Variants in PDE4D observed in about 807,000 individuals in gnomAD.
PDE4D encodes phosphodiesterase 4D.
A neutral mutation model predicts 87.4 loss-of-function variants in PDE4D; 24 were observed. The observed-to-expected ratio is 0.27, with a 90% CI of 0.20 to 0.39. The LOEUF (loss-of-function observed/expected upper bound fraction) is 0.39, where lower values mean the gene tolerates loss of function less well. PDE4D is among the 10% of genes least tolerant of loss of function. The pLI, the probability that PDE4D is intolerant of heterozygous loss-of-function variation, is 1.00. For synonymous variants in PDE4D, 384 were observed against 383.2 expected (o/e 1.00, Z -0.02); for missense variants, 714 against 1,041.0 (o/e 0.69, Z 4.32).
chr5:60,078,591 T>A (rs929468390), intron 2 of PDE4D, among the ~76,000 whole-genome samples: 1 of 152,188 alleles, frequency 6.6e-6, no homozygotes, highest in Non-Finnish European at 1.5e-5. Context: ...TCTGTGTCCA[T>A]GTGTTCTCAA....
intron 1 of PDE4D, among the ~76,000 whole-genome samples, chr5:59,454,770 G>A (rs888548366): frequency 1.3e-5 from 2 of 152,200 alleles, no homozygotes; most frequent in Non-Finnish European, 2.9e-5. Context: ...TGACAAAAAT[G>A]CTGACAGTGA....
chr5:59,747,403 C>T (rs1759770617), intron 1 of PDE4D, among the ~76,000 whole-genome samples: 1 of 152,184 alleles, frequency 6.6e-6, no homozygotes, highest in Non-Finnish European at 1.5e-5. Context: ...GTTAAACCAA[C>T]CTTTTTCAAA....
chr5:59,013,754 C>T (rs1405961553), intron 6 of PDE4D, among the ~76,000 whole-genome samples: 1 of 151,780 alleles, frequency 6.6e-6, no homozygotes, highest in East Asian at 1.9e-4. Context: ...GAAACTATTC[C>T]AATCAATAGA....
chr5:60,329,451 A>T (rs1214014384), intron 1 of PDE4D, among the ~76,000 whole-genome samples: 1 of 151,790 alleles, frequency 6.6e-6, no homozygotes, highest in African/African-American at 2.4e-5. Context: ...AGTCAATTAA[A>T]CCTCTTTCCT....
chr5:59,390,507 G>C (rs981509821), intron 1 of PDE4D, among the ~76,000 whole-genome samples: 1 of 152,032 alleles, frequency 6.6e-6, no homozygotes, highest in African/African-American at 2.4e-5. Context: ...TTGCACAGTG[G>C]ATTTATAAAC....
intron 1 of PDE4D, among the ~76,000 whole-genome samples, chr5:59,444,866 C>T (rs900886955): frequency 1.3e-5 from 2 of 152,110 alleles, no homozygotes; most frequent in Non-Finnish European, 2.9e-5. Flanking sequence ...TACATATTGC[C>T]AGCTATCTCC....
intron 1 of PDE4D, among the ~76,000 whole-genome samples, chr5:59,267,296 C>T (rs1763007671): frequency 6.6e-6 from 1 of 152,010 alleles, no homozygotes; most frequent in African/African-American, 2.4e-5. Flanking sequence ...AGAAAAAACT[C>T]TGTGCCACAT....
intron 1 of PDE4D, among the ~76,000 whole-genome samples, chr5:59,693,451 TA>T (rs1260244964): frequency 6.6e-6 from 1 of 152,178 alleles, no homozygotes; most frequent in Non-Finnish European, 1.5e-5. Context: ...GGAAGGCTGA[TA>T]AAGTTTTAAG....
At chr5:59,368,367 T>A (rs1207831222) in intron 1 of PDE4D, among the ~76,000 whole-genome samples, 1 of 152,190 alleles carries the variant, frequency 6.6e-6, no homozygotes, top group African/African-American at 2.4e-5. Flanking sequence ...AATTGTCCAT[T>A]CATCTTAAAA....
At chr5:59,901,370 TTAG>T (rs1228537031) in intron 3 of PDE4D, among the ~76,000 whole-genome samples, 1 of 152,214 alleles carries the variant, frequency 6.6e-6, no homozygotes, top group Non-Finnish European at 1.5e-5. Flanking sequence ...ACTGAAATTA[TTAG>T]AATAGTATTA....
rs190643957 is a variant in PDE4D at position 60,229,555 on chromosome 5, A to T, written c.-89-43868T>A. Among the ~76,000 whole-genome samples, 6 of 152,254 alleles carry T rather than the reference A, an allele frequency of 3.9e-5. No individual in the cohort carries two copies. In the East Asian group the frequency reaches 9.7e-4, roughly 25 times the overall value. On this transcript the variant is annotated intron_variant, in intron 1 of 16. Transcript: ENST00000502484. ...GAGAAGCTAGGAAAATATAAGTATC[A>T]TCATCCTTAATTTGTAAATGGTCTC...
At chr5:60,481,758 T>C (rs1201653737) in intron 1 of PDE4D, among the ~76,000 whole-genome samples, 2 of 152,176 alleles carry the variant, frequency 1.3e-5, no homozygotes, top group Non-Finnish European at 2.9e-5. Context: ...GACTACTTTT[T>C]CACTATAAGA....
chr5:60,095,172 T>C (rs1179573219), intron 2 of PDE4D, among the ~76,000 whole-genome samples: 1 of 152,122 alleles, frequency 6.6e-6, no homozygotes. Flanking sequence ...CTACGTTAGG[T>C]ATTTCTCCTA....
At chr5:60,339,435 G>T (rs1262100814) in intron 1 of PDE4D, among the ~76,000 whole-genome samples, 1 of 152,128 alleles carries the variant, frequency 6.6e-6, no homozygotes, top group African/African-American at 2.4e-5. Flanking sequence ...CCCCAGGCAG[G>T]ATGGCATGAA....
At position 59,933,793 on chromosome 5, in the gene PDE4D, A is replaced by ATATATATATATATATATAT. The variant is rs1343398649; in HGVS notation, c.272+54694_272+54695insATATATATATATATATATA. Among the ~76,000 whole-genome samples the ATATATATATATATATATAT allele has an allele frequency of 5.3e-3, 189 of 35,502 alleles. 1 individual carries two copies. The highest frequency in any genetic ancestry group is 0.029 in the African/African-American group (181 of 6,254). The allele number at this position is 35,502 out of a possible 152,430, so 23.3% of individuals were successfully genotyped here. On this transcript the variant is annotated intron_variant, in intron 3 of 16. Transcript: ENST00000502484. ...GGAGATATATATATATATATATATT[A>ATATATATATATATATATAT]ATAAGCATTCATATAAAAGATAATA...
chr5:60,060,628 C>G (rs568679532), intron 2 of PDE4D, among the ~76,000 whole-genome samples: 1 of 152,188 alleles, frequency 6.6e-6, no homozygotes, highest in African/African-American at 2.4e-5. Context: ...GCAAATAATT[C>G]CTAGGTCTGG....
chr5:59,529,662 C>A (rs1031934547), intron 1 of PDE4D, among the ~76,000 whole-genome samples: 3 of 152,176 alleles, frequency 2.0e-5, no homozygotes, highest in Non-Finnish European at 4.4e-5. Context: ...TCCTCTTCAT[C>A]CCTCAACTAT....
chr5:60,127,709 T>C (rs1322924066), intron 2 of PDE4D: 2 of 575,864 alleles, frequency 3.5e-6, no homozygotes, highest in African/African-American at 1.9e-5. Context: ...AATTTCAGTT[T>C]TGGATATTTT....
At chr5:60,252,070 G>A (rs1039886725) in intron 1 of PDE4D, among the ~76,000 whole-genome samples, 13 of 151,930 alleles carry the variant, frequency 8.6e-5, no homozygotes, top group African/African-American at 3.1e-4. Flanking sequence ...TTGTAGTCTA[G>A]GAGCAATAGA....
Sources: allele counts gnomAD v4.1 joint callset (sites outside exome capture counted in the v4.1 genomes callset), GRCh38; gene constraint gnomAD v4.1.1; transcripts MANE v1.5; gene names NCBI Gene and HGNC (gene_info 2026-07-23, HGNC 2026-07-21).